MKRN1: variants seen among roughly 807,000 people sequenced by gnomAD.
MKRN1 encodes the protein E3 ubiquitin-protein ligase makorin-1.
MKRN1 carries 9 observed loss-of-function variants against 55.5 expected under a neutral mutation model. That is an observed-to-expected ratio of 0.16 (90% CI 0.10 to 0.28). MKRN1 has a LOEUF of 0.28. Among genes scored for constraint, MKRN1 ranks in the 10% least tolerant of loss-of-function variants. The pLI, the probability that MKRN1 is intolerant of heterozygous loss-of-function variation, is 1.00. For synonymous variants in MKRN1, 253 were observed against 235.9 expected (o/e 1.07, Z -0.66); for missense variants, 488 against 626.7 (o/e 0.78, Z 2.36).
intron 2 of MKRN1, among the ~76,000 whole-genome samples, chr7:140,463,174 A>G (rs1794671791): frequency 6.6e-6 from 1 of 152,222 alleles, no homozygotes; most frequent in East Asian, 1.9e-4. Flanking sequence ...GTATCCTGCT[A>G]TCATCCACAA....
At chr7:140,464,157 C>T (rs1353024507) in intron 2 of MKRN1, among the ~76,000 whole-genome samples, 1 of 151,954 alleles carries the variant, frequency 6.6e-6, no homozygotes, top group African/African-American at 2.4e-5. Context: ...TAACCTCAAG[C>T]AATTCACTGG....
chr7:140,458,246 G>A (rs1304416598), intron 4 of MKRN1, among the ~76,000 whole-genome samples: 1 of 152,138 alleles, frequency 6.6e-6, no homozygotes. Flanking sequence ...GCCAAAAACT[G>A]GAAATGATCT....
chr7:140,470,276 G>A lies in MKRN1; in HGVS notation c.314+1607C>T, dbSNP rs1181930244. Among the ~76,000 whole-genome samples the A allele has an allele frequency of 2.7e-5, 4 of 150,478 alleles. No homozygotes were observed. The East Asian group carries it at 7.8e-4, about 29-fold the overall frequency. On this transcript the variant is annotated intron_variant, in intron 2 of 7. Coordinates refer to ENST00000255977, the MANE Select transcript of MKRN1 (RefSeq NM_013446.4). ...CAAAGTCTCCTGCCAACAGTCATGA[G>A]AGTAAGACCTCTTAAAAACAATACT...
intron 2 of MKRN1, among the ~76,000 whole-genome samples, chr7:140,462,139 T>G (rs979402454): frequency 7.2e-5 from 11 of 152,304 alleles, no homozygotes; most frequent in Non-Finnish European, 1.5e-4. Context: ...GCAATCCGTC[T>G]GCCTTAGCCT....
At chr7:140,463,851 T>A (rs1794694960) in intron 2 of MKRN1, among the ~76,000 whole-genome samples, 2 of 151,748 alleles carry the variant, frequency 1.3e-5, no homozygotes, top group African/African-American at 4.8e-5. Flanking sequence ...ATCGCGCCAC[T>A]GCACTCCAGC....
chr7:140,456,958 A>G, intron 4 of MKRN1, 92 bp from the exon 5 acceptor site: 11 of 1,254,132 alleles, frequency 8.8e-6, no homozygotes, highest in Middle Eastern at 1.9e-4. Flanking sequence ...AAAGAATCAA[A>G]TAGTCAACTG....
intron 1 of MKRN1, chr7:140,473,901 AAAATCGCT>A: frequency 6.6e-6 from 1 of 151,748 alleles, no homozygotes; most frequent in Non-Finnish European, 1.5e-5. Flanking sequence ...CTGAGAGAGG[AAAATCGCT>A]GGAACCCAGG....
At position 140,459,599 on chromosome 7, in the gene MKRN1, A is replaced by T. The variant is rs1178917643; in HGVS notation, c.544+108T>A. 9.9e-6 allele frequency: 11 copies of T among 1,109,344 alleles called. No individual in the cohort carries two copies. In the Admixed American group the frequency reaches 2.0e-4, roughly 21 times the overall value. The allele number at this position is 1,109,344 out of a possible 1,614,324, so 68.7% of individuals were successfully genotyped here. ...CAAATTAAAGTACTGTACTAAGATT[A>T]AACTAAAAAAGGAATAGAAGCAGAA... On this transcript the variant is annotated intron_variant, in intron 3 of 7. Coordinates refer to ENST00000255977, the MANE Select transcript of MKRN1 (RefSeq NM_013446.4).
intron 4 of MKRN1, among the ~76,000 whole-genome samples, chr7:140,458,781 A>T (rs1407344651): frequency 6.6e-6 from 1 of 152,138 alleles, no homozygotes; most frequent in Non-Finnish European, 1.5e-5. Flanking sequence ...TCAGCCTAAC[A>T]AGTAGCTGGG....
intron 1 of MKRN1, chr7:140,478,957 T>C (rs2130385180): frequency 1.8e-6 from 1 of 551,266 alleles, no homozygotes; most frequent in South Asian, 9.1e-5. Context: ...CGCTGAGGGC[T>C]CCGCGGCCCA....
At chr7:140,464,504 A>G (rs907781988) in intron 2 of MKRN1, among the ~76,000 whole-genome samples, 2 of 152,106 alleles carry the variant, frequency 1.3e-5, no homozygotes, top group Non-Finnish European at 2.9e-5. Flanking sequence ...GGAGTTCCAG[A>G]CCAGCCTGAT....
intron 2 of MKRN1, among the ~76,000 whole-genome samples, chr7:140,460,405 G>T (rs914513395): frequency 2.0e-5 from 3 of 148,974 alleles, no homozygotes; most frequent in Non-Finnish European, 3.0e-5. Flanking sequence ...TGCCTCCTGG[G>T]TTCATGGGAT....
At chr7:140,466,664 C>T (rs1346685506) in intron 2 of MKRN1, among the ~76,000 whole-genome samples, 5 of 151,862 alleles carry the variant, frequency 3.3e-5, no homozygotes, top group African/African-American at 9.7e-5. Flanking sequence ...ATTAGCCGGG[C>T]GCGGTGGCGG....
chr7:140,456,861 G>A lies in MKRN1; in HGVS notation c.777C>T (p.Cys259=). 6.2e-7 allele frequency: 1 copy of A among 1,613,540 alleles called. No individual in the cohort carries two copies. The highest frequency in any genetic ancestry group is 1.3e-5 in the African/African-American group (1 of 74,984). ...CCATGTCCTTCTCATGGGCCTCAAT[G>A]CACGACTAGAGAAGGTGGAGAGAGA... is the stretch of plus-strand genomic sequence containing the variant. ...AAQRSQHIKS[C]IEAHEKDMEL... The change falls in exon 5 of 8, where the codon TGC becomes TGT. Residue 259 remains cysteine (C), a synonymous_variant. Coordinates refer to ENST00000255977, the MANE Select transcript of MKRN1 (RefSeq NM_013446.4).
chr7:140,456,388 T>C, intron 5 of MKRN1: 1 of 1,318,226 alleles, frequency 7.6e-7, no homozygotes, highest in Non-Finnish European at 9.7e-7. Flanking sequence ...CTAAACTGGC[T>C]AATAATCCAT....
At chr7:140,455,367 T>C (rs1794438137) in intron 6 of MKRN1, 134 bp from the exon 7 acceptor site, 29 of 1,113,830 alleles carry the variant, frequency 2.6e-5, no homozygotes, top group Admixed American at 7.4e-5. Flanking sequence ...GATGTGTTCT[T>C]ATAAACATGT....
In MKRN1 at chr7:140,453,925, T is replaced by A. The variant is rs1794397987; in HGVS notation, c.*592A>T. Reference sequence around the variant, plus strand: ...AAAACAGTAAAAAATCTCAACACATTCACACCTGATTCTGGTTACCCAGTA... The same window carrying A: ...AAAACAGTAAAAAATCTCAACACATACACACCTGATTCTGGTTACCCAGTA... On this transcript the variant is annotated 3_prime_UTR_variant, in exon 8 of 8. Coordinates refer to ENST00000255977, the MANE Select transcript of MKRN1 (RefSeq NM_013446.4). 6.3e-6 allele frequency: 1 copy of A among 157,564 alleles called. No homozygotes were observed. The allele number at this position is 157,564 out of a possible 1,614,324, so 9.8% of individuals were successfully genotyped here. A position where few individuals can be genotyped will look rare whatever the true frequency, so the allele number is the denominator to read the frequency against.
chr7:140,471,620 C>A (rs576133629), intron 2 of MKRN1, among the ~76,000 whole-genome samples: 2 of 152,044 alleles, frequency 1.3e-5, no homozygotes, highest in African/African-American at 4.8e-5. Context: ...CAGACGCACA[C>A]CACCATGCCC....
chr7:140,463,966 ACT>A (rs1428917868), intron 2 of MKRN1, among the ~76,000 whole-genome samples: 1 of 151,882 alleles, frequency 6.6e-6, no homozygotes, highest in Non-Finnish European at 1.5e-5. Flanking sequence ...AGACAGTCTC[ACT>A]CTGTCACCTG....
Sources: gnomAD v4.1 joint callset for allele counts (sites outside exome capture counted in the v4.1 genomes callset) on GRCh38, gnomAD v4.1.1 for gene constraint, MANE v1.5 for transcripts, NCBI Gene and HGNC (gene_info 2026-07-23, HGNC 2026-07-21) for gene names.